The following KIF26B variants were observed in gnomAD, a reference collection of about 807,000 sequenced individuals.
The protein encoded by KIF26B is kinesin-like protein KIF26B.
Under a neutral mutation model 151.2 loss-of-function variants are expected in KIF26B, and 63 were observed. The observed-to-expected ratio is 0.42, with a 90% CI of 0.34 to 0.51. KIF26B has a LOEUF of 0.51. Ranked by LOEUF, KIF26B falls within the 20% of genes least tolerant of loss-of-function variation. The probability of loss-of-function intolerance (pLI) is 0.07; values close to 1 mark genes in which losing one functional copy is unlikely to be tolerated. For missense variants in KIF26B, 2,813 were observed against 2,913.6 expected, an observed-to-expected ratio of 0.97 and a Z score of 0.79; for synonymous variants, 1,357 against 1,262.1, an observed-to-expected ratio of 1.08 and a Z score of -1.59.
intron 4 of KIF26B, among the ~76,000 whole-genome samples, chr1:245,494,025 G>A (rs1178401004): frequency 2.0e-5 from 3 of 151,916 alleles, no homozygotes; most frequent in Admixed American, 6.6e-5. Context: ...ATCACATGGC[G>A]GGGTGCGGTG....
intron 10 of KIF26B, among the ~76,000 whole-genome samples, chr1:245,679,472 T>G (rs1423721555): frequency 5.8e-5 from 8 of 137,186 alleles, no homozygotes; most frequent in Non-Finnish European, 7.8e-5. Context: ...TTTTTTTTTT[T>G]TTTTTTTTTT....
At chr1:245,185,491 G>C (rs924624015) in intron 2 of KIF26B, among the ~76,000 whole-genome samples, 8 of 152,140 alleles carry the variant, frequency 5.3e-5, no homozygotes, top group Admixed American at 1.3e-4. Context: ...GGACTAAGTG[G>C]ATCTAAACAT....
rs1364091043 is a variant in KIF26B, at chr1:245,597,812, G to T, written c.1351-4765G>T. 6.6e-6 allele frequency among the ~76,000 whole-genome samples: 1 copy of T among 152,012 alleles called. No homozygotes were observed. The highest frequency in any genetic ancestry group is 1.5e-5 in the Non-Finnish European group (1 of 68,024). ...TTTTCACATAGTTCCATATTTCTTG[G>T]AGGCTTTGTTCATTCCTTTTCATTC... On this transcript the variant is annotated intron_variant, in intron 5 of 14. Transcript: ENST00000407071. The surrounding 1 kb of genome is among the most constrained non-coding windows in gnomAD (Gnocchi z 4.6).
chr1:245,391,059 A>C (rs550498935), intron 3 of KIF26B, among the ~76,000 whole-genome samples: 1 of 151,602 alleles, frequency 6.6e-6, no homozygotes, highest in Non-Finnish European at 1.5e-5. Context: ...TTCTGGTAAG[A>C]TTTGTGGTGA....
At chr1:245,259,021 C>T (rs1305238702) in intron 2 of KIF26B, among the ~76,000 whole-genome samples, 2 of 152,280 alleles carry the variant, frequency 1.3e-5, no homozygotes, top group East Asian at 3.9e-4. Flanking sequence ...CTGCAACAGC[C>T]CCCCAGGCGC....
At chr1:245,650,695 T>C (rs59888931) in intron 10 of KIF26B, among the ~76,000 whole-genome samples, 1 of 152,378 alleles carries the variant, frequency 6.6e-6, no homozygotes, top group African/African-American at 2.4e-5. Flanking sequence ...TCATATGACC[T>C]GTTTGCTTAT....
chr1:245,347,501 T>C (rs1410237991), intron 2 of KIF26B, among the ~76,000 whole-genome samples: 1 of 152,120 alleles, frequency 6.6e-6, no homozygotes, highest in Non-Finnish European at 1.5e-5. Flanking sequence ...TTAAATTTTT[T>C]TTGAGAGATG....
In KIF26B at chr1:245,564,166, C is replaced by A. The variant is rs575077822; in HGVS notation, c.1350+23216C>A. Reference sequence around the variant, plus strand: ...GCAGCCACACTGAAGCCTCAATGTCCCCTAAACATTCCAGACCCTCTTGTG... The same window carrying A: ...GCAGCCACACTGAAGCCTCAATGTCACCTAAACATTCCAGACCCTCTTGTG... On this transcript the variant is annotated intron_variant, in intron 5 of 14. Coordinates refer to ENST00000407071, the MANE Select transcript of KIF26B (RefSeq NM_018012.4). The surrounding 1 kb of genome is among the most constrained non-coding windows in gnomAD (Gnocchi z 4.6). Among the ~76,000 whole-genome samples, 436 of 152,204 alleles carry A rather than the reference C, an allele frequency of 2.9e-3. 2 individuals carry two copies. The highest frequency in any genetic ancestry group is 4.1e-3 in the Non-Finnish European group (276 of 68,016).
At chr1:245,639,825 C>T (rs1376028048) in intron 9 of KIF26B, among the ~76,000 whole-genome samples, 1 of 151,710 alleles carries the variant, frequency 6.6e-6, no homozygotes, top group Non-Finnish European at 1.5e-5. Context: ...AGAAAAGATA[C>T]TTGATATGAT....
chr1:245,652,361 T>C (rs1418277873), intron 10 of KIF26B, among the ~76,000 whole-genome samples: 1 of 152,136 alleles, frequency 6.6e-6, no homozygotes, highest in East Asian at 1.9e-4. Flanking sequence ...TTAGAAATAC[T>C]CATTTTTATA....
chr1:245,632,729 G>GA (rs1379726086), intron 9 of KIF26B, among the ~76,000 whole-genome samples: 1 of 152,118 alleles, frequency 6.6e-6, no homozygotes, highest in African/African-American at 2.4e-5. Context: ...GCAACATGGT[G>GA]AAACTCTGTC....
At position 245,698,282 on chromosome 1, in the gene KIF26B, C is replaced by T; in HGVS notation, c.6001C>T (p.Gln2001Ter). Reference sequence around the variant, plus strand: ...TGAAATCGATGACGTGGAGCGCCTGCAGCGGCGACGAGGGGGTGCCAGCAA... The same window carrying T: ...TGAAATCGATGACGTGGAGCGCCTGTAGCGGCGACGAGGGGGTGCCAGCAA... The part of the protein sequence containing the change: ...VYEIDDVERL[Q>*]RRRGGASKEA... The change falls in exon 13 of 15, where the codon CAG becomes TAG. Residue 2001 changes from glutamine (Q) to a stop codon, truncating the protein, a stop_gained. Coordinates refer to ENST00000407071, the MANE Select transcript of KIF26B (RefSeq NM_018012.4). LOFTEE classifies it high-confidence loss of function. The surrounding 1 kb of genome is among the most constrained non-coding windows in gnomAD (Gnocchi z 4.0). 1.2e-6 allele frequency: 2 copies of T among 1,613,630 alleles called. No homozygotes were observed. Among genetic ancestry groups the T allele is most frequent in the Non-Finnish European group, 1.7e-6 (2 of 1,179,772 alleles).
chr1:245,619,291 C>T (rs10218721), intron 9 of KIF26B, among the ~76,000 whole-genome samples: 2,306 of 151,982 alleles, frequency 0.015, 67 homozygotes, highest in African/African-American at 0.052. Flanking sequence ...GGGCTGTGTC[C>T]GCTGCGTCAG....
At chr1:245,646,308 T>C (rs376219630) in intron 10 of KIF26B, 28 bp downstream of exon 10, 3 of 1,610,378 alleles carry the variant, frequency 1.9e-6, no homozygotes, top group African/African-American at 2.7e-5. Context: ...TCAAAGAATG[T>C]GGTGGGGTAA....
intron 2 of KIF26B, among the ~76,000 whole-genome samples, chr1:245,271,338 ACT>A (rs1365649836): frequency 6.6e-6 from 1 of 152,166 alleles, no homozygotes; most frequent in Non-Finnish European, 1.5e-5. Flanking sequence ...TCTATGACTC[ACT>A]TCAGGTACTA....
At position 245,434,615 on chromosome 1, in the gene KIF26B, G is replaced by A. The variant is rs1419407216; in HGVS notation, c.1166+14870G>A. ...CTCTGCCCGAGGGTTTCCTCTGGCT[G>A]TGGGAGCCCCCTGCACCCACACAGG... On this transcript the variant is annotated intron_variant, in intron 4 of 14. Transcript: ENST00000407071. Among the ~76,000 whole-genome samples, 4 of 152,188 alleles carry A rather than the reference G, an allele frequency of 2.6e-5. No homozygotes were observed. The East Asian group carries it at 7.7e-4, about 29-fold the overall frequency.
intron 2 of KIF26B, among the ~76,000 whole-genome samples, chr1:245,317,942 A>G (rs990268067): frequency 2.0e-5 from 3 of 152,172 alleles, no homozygotes; most frequent in African/African-American, 7.2e-5. Context: ...CTTGAAAAAT[A>G]TGGGGCACGC....
At chr1:245,581,389 G>C (rs2043173207) in intron 5 of KIF26B, among the ~76,000 whole-genome samples, 1 of 151,872 alleles carries the variant, frequency 6.6e-6, no homozygotes, top group Non-Finnish European at 1.5e-5. Context: ...GCATTATAGT[G>C]ATGAAGAAAG....
At position 245,375,337 on chromosome 1, in the gene KIF26B, A is replaced by G. The variant is rs550206196; in HGVS notation, c.999+7970A>G. Among the ~76,000 whole-genome samples, 69 of 152,254 alleles carry G rather than the reference A, an allele frequency of 4.5e-4. No individual in the cohort carries two copies. The highest frequency in any genetic ancestry group is 1.6e-3 in the African/African-American group (68 of 41,538). On this transcript the variant is annotated intron_variant, in intron 3 of 14. Coordinates refer to ENST00000407071, the MANE Select transcript of KIF26B (RefSeq NM_018012.4). This position sits in a 1 kb window ranked among gnomAD's most constrained non-coding sequence, Gnocchi z 4.2. Reference sequence around the variant, plus strand: ...GGTGATCTGCCTGCCTCAGCCTCCCAAAGTGCTGGGATTACAGGTATGAAC... The same window carrying G: ...GGTGATCTGCCTGCCTCAGCCTCCCGAAGTGCTGGGATTACAGGTATGAAC...
Sources: allele counts gnomAD v4.1 joint callset (sites outside exome capture counted in the v4.1 genomes callset), GRCh38; gene constraint gnomAD v4.1.1; non-coding constraint Gnocchi (gnomAD v3.1); transcripts MANE v1.5; gene names NCBI Gene and HGNC (gene_info 2026-07-23, HGNC 2026-07-21).